The following TDRD3 variants were observed in gnomAD, a reference collection of about 807,000 sequenced individuals.
TDRD3 encodes the protein tudor domain containing 3.
TDRD3 carries 45 observed loss-of-function variants against 86.7 expected under a neutral mutation model. The observed-to-expected ratio is 0.52, with a 90% CI of 0.41 to 0.67. The LOEUF (loss-of-function observed/expected upper bound fraction) is 0.67, where lower values mean the gene tolerates loss of function less well. Ranked by LOEUF, TDRD3 falls within the 30% of genes least tolerant of loss-of-function variation. The pLI is 0.00. For missense variants in TDRD3, 814 were observed against 889.0 expected, an observed-to-expected ratio of 0.92 and a Z score of 1.07; for synonymous variants, 298 against 301.7, an observed-to-expected ratio of 0.99 and a Z score of 0.13.
chr13:60,431,412 C>T (rs931126134), intron 1 of TDRD3, among the ~76,000 whole-genome samples: 2 of 151,828 alleles, frequency 1.3e-5, no homozygotes, highest in East Asian at 3.9e-4. Flanking sequence ...AGAATTTAAA[C>T]ACTTTTGAAT....
chr13:60,451,947 A>G (rs1370981431), intron 3 of TDRD3, among the ~76,000 whole-genome samples: 3 of 152,170 alleles, frequency 2.0e-5, no homozygotes, highest in Non-Finnish European at 4.4e-5. Context: ...AACAATTGAC[A>G]TCTTTATATG....
chr13:60,547,369 A>G (rs1436849858), intron 12 of TDRD3: 8 of 985,248 alleles, frequency 8.1e-6, no homozygotes, highest in Non-Finnish European at 8.4e-6. Context: ...GGTCTTGGGC[A>G]AATTACTTCC....
At chr13:60,475,190 T>G (rs1956159475) in intron 5 of TDRD3, among the ~76,000 whole-genome samples, 1 of 152,086 alleles carries the variant, frequency 6.6e-6, no homozygotes, top group Non-Finnish European at 1.5e-5. Flanking sequence ...CCATCACCCA[T>G]GTAGTGAGCA....
At chr13:60,556,942 C>A (rs145744558) in intron 12 of TDRD3, among the ~76,000 whole-genome samples, 16 of 152,102 alleles carry the variant, frequency 1.1e-4, no homozygotes, top group African/African-American at 3.6e-4. Context: ...CAGTGGCTGA[C>A]GCCTGTAATC....
intron 5 of TDRD3, among the ~76,000 whole-genome samples, chr13:60,470,378 T>C (rs551862833): frequency 6.6e-6 from 1 of 152,294 alleles, no homozygotes; most frequent in Non-Finnish European, 1.5e-5. Flanking sequence ...TCAATTCTTT[T>C]GTGTGATCTA....
intron 13 of TDRD3, 25 bp from the exon 14 acceptor site, chr13:60,573,590 AT>A (rs1958636706): frequency 4.1e-6 from 4 of 984,932 alleles, no homozygotes; most frequent in African/African-American, 1.7e-5. Context: ...CTTCAATTTC[AT>A]TTTCTTCATT....
chr13:60,532,741 A>G (rs1191165065), intron 11 of TDRD3, among the ~76,000 whole-genome samples: 2 of 151,996 alleles, frequency 1.3e-5, no homozygotes, highest in African/African-American at 4.8e-5. Flanking sequence ...TAGTTCAGCT[A>G]TTTTTTTCGT....
intron 10 of TDRD3, among the ~76,000 whole-genome samples, chr13:60,519,825 T>C (rs1875644622): frequency 6.6e-6 from 1 of 152,168 alleles, no homozygotes; most frequent in South Asian, 2.1e-4. Context: ...ATTTGGTTTT[T>C]TAATTATGTG....
At position 60,529,037 on chromosome 13, in the gene TDRD3, G is replaced by A; in HGVS notation, c.1812G>A (p.Lys604=). Residue 604 remains lysine, a synonymous_variant, in exon 11 of 14, where the codon AAG becomes AAA. Coordinates refer to ENST00000377881, the MANE Select transcript of TDRD3 (RefSeq NM_001146070.2). ...PLKGRRIGPI[K]PAGPVTAVPC... ...AAGGAAGACGAATAGGACCTATTAA[G>A]CCAGCAGGACCTGTCACAGCTGTAC... The A allele has an allele frequency of 6.2e-7, 1 of 1,614,048 alleles. No individual in the cohort carries two copies. Among genetic ancestry groups the A allele is most frequent in the Non-Finnish European group, 8.5e-7 (1 of 1,179,940 alleles).
intron 1 of TDRD3, among the ~76,000 whole-genome samples, chr13:60,430,612 G>A (rs1394457754): frequency 1.3e-5 from 2 of 152,056 alleles, no homozygotes; most frequent in African/African-American, 4.8e-5. Flanking sequence ...TTTATGTGGA[G>A]TCATGGTTTA....
chr13:60,573,711 G>A lies in TDRD3; in HGVS notation c.*105G>A, dbSNP rs118152906. 6,753 of 931,038 alleles carry A rather than the reference G, an allele frequency of 7.3e-3. 30 individuals are homozygous for A. The highest frequency in any genetic ancestry group is 0.022 in the Middle Eastern group (40 of 1,798). The allele number at this position is 931,038 out of a possible 1,614,324, so 57.7% of individuals were successfully genotyped here. On this transcript the variant is annotated 3_prime_UTR_variant, in exon 14 of 14. Coordinates refer to ENST00000377881, the MANE Select transcript of TDRD3 (RefSeq NM_001146070.2). ...CTCTTCAGAATAAGTAGCTGTGGTG[G>A]ATATTATTATTTGAAGAAAGAAAAA... is the stretch of plus-strand genomic sequence containing the variant.
intron 10 of TDRD3, among the ~76,000 whole-genome samples, chr13:60,527,101 C>T (rs1231658056): frequency 1.3e-5 from 2 of 152,170 alleles, no homozygotes; most frequent in Non-Finnish European, 2.9e-5. Flanking sequence ...TTCCAAAGTG[C>T]TTGGATTACA....
At chr13:60,519,752 A>C (rs1957251822) in intron 10 of TDRD3, among the ~76,000 whole-genome samples, 1 of 152,334 alleles carries the variant, frequency 6.6e-6, no homozygotes, top group South Asian at 2.1e-4. Flanking sequence ...TGACCTTGTC[A>C]AGCCTCTTTA....
intron 2 of TDRD3, 119 bp from the exon 3 acceptor site, chr13:60,444,564 C>T (rs1955355393): frequency 1.1e-5 from 6 of 542,156 alleles, no homozygotes; most frequent in South Asian, 3.0e-5. Flanking sequence ...GATCTCATGA[C>T]CAGTTAAACT....
intron 3 of TDRD3, among the ~76,000 whole-genome samples, chr13:60,449,450 A>G (rs906256305): frequency 5.3e-5 from 8 of 152,118 alleles, no homozygotes; most frequent in African/African-American, 1.9e-4. Context: ...GTTCCAAGGA[A>G]CAAAAAGTTA....
intron 10 of TDRD3, among the ~76,000 whole-genome samples, chr13:60,515,711 A>C (rs925372351): frequency 3.3e-5 from 5 of 152,226 alleles, no homozygotes; most frequent in Non-Finnish European, 5.9e-5. Context: ...ACAAACAAAC[A>C]CAAAAACAGT....
Position 60,509,820 on chromosome 13 carries a change from AGGCAAGCTCT to A in TDRD3, c.917_926del (p.Arg306IlefsTer8). On this transcript the variant is annotated frameshift_variant, in exon 9 of 14. Coordinates refer to ENST00000377881, the MANE Select transcript of TDRD3 (RefSeq NM_001146070.2). LOFTEE classifies it high-confidence loss of function. Reference sequence around the variant, plus strand: ...AATGGGCTTCAGTAAGGAAGCATCGAGGCAAGCTCTTATGGATAATGGCAACAACTTAGAA... The same window carrying A: ...AATGGGCTTCAGTAAGGAAGCATCGATATGGATAATGGCAACAACTTAGAA... 6 of 1,613,910 alleles carry A rather than the reference AGGCAAGCTCT, an allele frequency of 3.7e-6. No homozygotes were observed. Among genetic ancestry groups the A allele is most frequent in the Non-Finnish European group, 5.1e-6 (6 of 1,179,788 alleles).
chr13:60,514,803 A>G (rs1750136893), intron 10 of TDRD3, among the ~76,000 whole-genome samples: 2 of 152,242 alleles, frequency 1.3e-5, no homozygotes, highest in Admixed American at 1.3e-4. Context: ...TTTTGGCATA[A>G]GAGCCATGAG....
chr13:60,464,373 A>G (rs75774681), intron 4 of TDRD3, among the ~76,000 whole-genome samples: 1 of 152,082 alleles, frequency 6.6e-6, no homozygotes, highest in Non-Finnish European at 1.5e-5. Flanking sequence ...AAATAGAAAT[A>G]CCATATGATA....
Sources: allele counts gnomAD v4.1 joint callset (sites outside exome capture counted in the v4.1 genomes callset), GRCh38; gene constraint gnomAD v4.1.1; transcripts MANE v1.5; gene names NCBI Gene and HGNC (gene_info 2026-07-23, HGNC 2026-07-21).